Variants in NEURL1 observed in about 807,000 individuals in gnomAD.
The protein encoded by NEURL1 is neuralized E3 ubiquitin protein ligase 1.
In NEURL1, 26 loss-of-function variants were observed where a neutral mutation model predicts 41.2. The observed-to-expected ratio is 0.63, with a 90% confidence interval of 0.46 to 0.87. The LOEUF is 0.87. NEURL1 is among the 40% of genes least tolerant of loss of function. NEURL1 has a pLI of 0.00. For missense variants in NEURL1, 761 were observed against 871.1 expected (o/e 0.87, Z 1.59); for synonymous variants, 400 against 402.3 (o/e 0.99, Z 0.07).
intron 1 of NEURL1, among the ~76,000 whole-genome samples, chr10:103,521,731 G>A (rs1457597475): frequency 3.3e-5 from 5 of 152,190 alleles, no homozygotes; most frequent in African/African-American, 1.2e-4. Flanking sequence ...ATAGGCGGAA[G>A]TTTCATTGGG....
intron 1 of NEURL1, among the ~76,000 whole-genome samples, chr10:103,535,111 A>G (rs2034663283): frequency 6.6e-6 from 1 of 152,160 alleles, no homozygotes; most frequent in African/African-American, 2.4e-5. Flanking sequence ...AGAACAAGGG[A>G]TTGTGGGGCT....
chr10:103,544,990 A>T (rs79614724), intron 1 of NEURL1, among the ~76,000 whole-genome samples: 7,908 of 152,284 alleles, frequency 0.052, 713 homozygotes, highest in African/African-American at 0.18. Context: ...TTTCTCAATG[A>T]TGACCCTGCA....
intron 1 of NEURL1, among the ~76,000 whole-genome samples, chr10:103,504,078 C>G (rs1375033728): frequency 6.6e-6 from 1 of 152,006 alleles, no homozygotes; most frequent in African/African-American, 2.4e-5. Context: ...ACTGCAACAT[C>G]TGCCTTCCAG....
chr10:103,501,836 G>C (rs2133844345), intron 1 of NEURL1, among the ~76,000 whole-genome samples: 1 of 152,044 alleles, frequency 6.6e-6, no homozygotes, highest in South Asian at 2.1e-4. Flanking sequence ...GTTTTGCCAT[G>C]TTGGCCAGGC....
intron 4 of NEURL1, among the ~76,000 whole-genome samples, chr10:103,587,059 A>G (rs2035938687): frequency 7.2e-6 from 1 of 138,870 alleles, no homozygotes; most frequent in African/African-American, 3.4e-5. Context: ...AAGAAAAGAA[A>G]GAGAGAGAGA....
intron 5 of NEURL1, among the ~76,000 whole-genome samples, 164 bp from the exon 6 acceptor site, chr10:103,589,970 A>G (rs2036003160): frequency 6.6e-6 from 1 of 152,172 alleles, no homozygotes; most frequent in Non-Finnish European, 1.5e-5. Flanking sequence ...GGGGCTGCTC[A>G]GAGCTCAGCC....
rs538259442 is a variant in NEURL1 at position 103,496,112 on chromosome 10, T to TAA, written c.85+1655_85+1656dup. On this transcript the variant is annotated intron_variant, in intron 1 of 5. Coordinates refer to ENST00000369780, the MANE Select transcript of NEURL1 (RefSeq NM_004210.5). The stretch of plus-strand genomic sequence containing the variant: ...GCGACAGAGCGAGACTCTGTCTTGC[T>TAA]AAAAAAAAAAAAAAAATCAGTTTGT... 5.0e-4 allele frequency among the ~76,000 whole-genome samples: 66 copies of TAA among 131,128 alleles called. 1 individual carries two copies. The highest frequency in any genetic ancestry group is 3.1e-3 in the South Asian group (13 of 4,234). 86.0% of individuals were successfully genotyped at this position (131,128 alleles called of 152,430 possible).
At chr10:103,499,807 TCCTC>T (rs772786069) in intron 1 of NEURL1, among the ~76,000 whole-genome samples, 271 of 152,184 alleles carry the variant, frequency 1.8e-3, no homozygotes, top group Middle Eastern at 3.4e-3. Context: ...CCTATCTGAG[TCCTC>T]ATCCCAGATA....
intron 1 of NEURL1, among the ~76,000 whole-genome samples, chr10:103,517,057 T>C (rs1346274844): frequency 7.3e-6 from 1 of 136,996 alleles, no homozygotes; most frequent in Non-Finnish European, 1.6e-5. Context: ...GACAGGGTCC[T>C]ACTCTGTCAC....
chr10:103,584,763 G>C lies in NEURL1; in HGVS notation c.877G>C (p.Asp293His), dbSNP rs775784335. The C allele has an allele frequency of 2.1e-6, 3 of 1,453,538 alleles. No homozygotes were observed. The highest frequency in any genetic ancestry group is 6.1e-5 in the East Asian group (2 of 32,902). The allele number at this position is 1,453,538 out of a possible 1,614,324, so 90.0% of individuals were successfully genotyped here. The change falls in exon 4 of 6, where the codon GAC (aspartate) becomes CAC (histidine). Residue 293 changes from aspartate (D) to histidine (H), a missense_variant. Transcript: ENST00000369780. Reference sequence around the variant, plus strand: ...CGCGCTGCCGGCGCAGCTCGACGGCGACCTGCGTTTCCACGCCCTGCGCGC... The same window carrying C: ...CGCGCTGCCGGCGCAGCTCGACGGCCACCTGCGTTTCCACGCCCTGCGCGC... ...SRALPAQLDG[D>H]LRFHALRAGA...
intron 1 of NEURL1, among the ~76,000 whole-genome samples, chr10:103,542,866 T>G (rs1342232601): frequency 6.6e-6 from 1 of 152,206 alleles, no homozygotes; most frequent in African/African-American, 2.4e-5. Flanking sequence ...CTTATCATTC[T>G]TATTCAATTT....
At chr10:103,547,259 A>C (rs1201841864) in intron 1 of NEURL1, among the ~76,000 whole-genome samples, 2 of 152,206 alleles carry the variant, frequency 1.3e-5, no homozygotes, top group Non-Finnish European at 2.9e-5. Flanking sequence ...TGTAGACAAC[A>C]CTGGTGGCAC....
chr10:103,552,464 C>T (rs778522847), intron 1 of NEURL1, among the ~76,000 whole-genome samples: 10 of 152,194 alleles, frequency 6.6e-5, no homozygotes, highest in Non-Finnish European at 8.8e-5. Context: ...TCACTCTCTC[C>T]CCTAAGCCAC....
chr10:103,512,616 G>C (rs2034098636), intron 1 of NEURL1, among the ~76,000 whole-genome samples: 1 of 152,118 alleles, frequency 6.6e-6, no homozygotes. Flanking sequence ...GGGTGACATG[G>C]AGAAACCCCA....
chr10:103,581,443 A>G (rs1182857643), intron 3 of NEURL1, among the ~76,000 whole-genome samples: 6 of 152,180 alleles, frequency 3.9e-5, no homozygotes, highest in African/African-American at 1.4e-4. Flanking sequence ...AGTATTAGAT[A>G]CAGATTTTAT....
intron 1 of NEURL1, among the ~76,000 whole-genome samples, chr10:103,531,862 C>G (rs1427636918): frequency 1.3e-5 from 2 of 152,144 alleles, no homozygotes; most frequent in African/African-American, 4.8e-5. Context: ...CTTTATATAT[C>G]TGGATGCTCC....
chr10:103,527,571 A>G (rs894618069), intron 1 of NEURL1, among the ~76,000 whole-genome samples: 2 of 152,070 alleles, frequency 1.3e-5, no homozygotes, highest in Non-Finnish European at 2.9e-5. Flanking sequence ...CTGGGATTAC[A>G]GGCATGAGTC....
chr10:103,546,618 A>G (rs1171384459), intron 1 of NEURL1, among the ~76,000 whole-genome samples: 5 of 152,192 alleles, frequency 3.3e-5, no homozygotes, highest in Non-Finnish European at 7.3e-5. Context: ...CCAAGCCTCA[A>G]TGTTCCCATC....
chr10:103,562,423 C>G (rs968453814), intron 1 of NEURL1, among the ~76,000 whole-genome samples: 1 of 152,120 alleles, frequency 6.6e-6, no homozygotes, highest in African/African-American at 2.4e-5. Context: ...GGTCTCTGCC[C>G]TAGGGAGGCT....
Sources: gnomAD v4.1 joint callset for allele counts (sites outside exome capture counted in the v4.1 genomes callset) on GRCh38, gnomAD v4.1.1 for gene constraint, MANE v1.5 for transcripts, NCBI Gene and HGNC (gene_info 2026-07-23, HGNC 2026-07-21) for gene names.